ROCK2: variants seen among roughly 807,000 people sequenced by gnomAD.
The protein encoded by ROCK2 is rho-associated protein kinase 2.
A neutral mutation model predicts 195.1 loss-of-function variants in ROCK2; 61 were observed. The ratio of observed to expected loss-of-function variants is 0.31; its 90% CI spans 0.25 to 0.39. The LOEUF (loss-of-function observed/expected upper bound fraction) is 0.39. Ranked by LOEUF, ROCK2 falls within the 10% of genes least tolerant of loss-of-function variation. ROCK2 has a pLI of 1.00. For synonymous variants in ROCK2, 504 were observed against 545.5 expected (o/e 0.92, Z 1.06); for missense variants, 1,109 against 1,637.4 (o/e 0.68, Z 5.57).
chr2:11,335,108 T>TACACACACAC (rs59721285), intron 1 of ROCK2, among the ~76,000 whole-genome samples: 20 of 145,028 alleles, frequency 1.4e-4, no homozygotes, highest in African/African-American at 3.6e-4. Flanking sequence ...CTTTGACTGA[T>TACACACACAC]ACACACACAC....
chr2:11,244,300 C>G (rs1435675279), intron 4 of ROCK2, among the ~76,000 whole-genome samples: 1 of 152,138 alleles, frequency 6.6e-6, no homozygotes, highest in Non-Finnish European at 1.5e-5. Flanking sequence ...TATTTACCAT[C>G]TGGCCCTTTA....
intron 1 of ROCK2, among the ~76,000 whole-genome samples, chr2:11,336,892 G>A (rs1393270925): frequency 1.3e-5 from 2 of 152,118 alleles, no homozygotes; most frequent in African/African-American, 2.4e-5. Context: ...CACGACATGA[G>A]GATGGCGACA....
intron 1 of ROCK2, among the ~76,000 whole-genome samples, chr2:11,338,983 G>A (rs2148278100): frequency 6.6e-6 from 1 of 151,916 alleles, no homozygotes; most frequent in Admixed American, 6.6e-5. Context: ...AGCTGAAAAG[G>A]TGTGAAGGAG....
At chr2:11,211,384 C>T (rs918763256) in intron 18 of ROCK2, among the ~76,000 whole-genome samples, 4 of 151,926 alleles carry the variant, frequency 2.6e-5, no homozygotes, top group Admixed American at 2.0e-4. Flanking sequence ...ACACGTATAC[C>T]GAGTGGTACA....
chr2:11,215,020 C>T lies in ROCK2; in HGVS notation c.1756G>A (p.Ala586Thr), dbSNP rs752389673. 1 of 1,614,056 alleles carries T rather than the reference C, an allele frequency of 6.2e-7. No individual in the cohort carries two copies. Among genetic ancestry groups the T allele is most frequent in the South Asian group, 1.1e-5 (1 of 91,074 alleles). The change falls in exon 16 of 33, where the codon GCA becomes ACA. Residue 586 changes from alanine (A) to threonine (T), a missense_variant. This residue lies in a region of ROCK2 where 542 missense variants were observed against 672.0 expected (regional missense o/e 0.81). Coordinates refer to ENST00000315872, the MANE Select transcript of ROCK2 (RefSeq NM_004850.5). The part of the protein sequence containing the change: ...DTAARLRKTQ[A>T]ESSKQIQQLE... ...TGCTGAATCTGTTTTGAACTTTCTGCCTGGGTTTTCCTTAACCGGGCTGCA... is the reference window on the plus strand; with the variant it reads ...TGCTGAATCTGTTTTGAACTTTCTGTCTGGGTTTTCCTTAACCGGGCTGCA...
chr2:11,222,265 C>T (rs1664662167), intron 7 of ROCK2, 91 bp from the exon 8 acceptor site: 2 of 710,906 alleles, frequency 2.8e-6, no homozygotes, highest in Admixed American at 2.4e-5. Context: ...ATAAAGATCT[C>T]AAGTAAATTT....
chr2:11,317,610 ATATT>A (rs1198450046), intron 1 of ROCK2, among the ~76,000 whole-genome samples: 5 of 16,814 alleles, frequency 3.0e-4, no homozygotes, highest in South Asian at 2.3e-3. Context: ...ATATATATAT[ATATT>A]TTTTTTTTTT....
Position 11,293,260 on chromosome 2 carries a change from AATTT to A in ROCK2, c.142-5528_142-5525del, listed in dbSNP as rs1361294148. On this transcript the variant is annotated intron_variant, in intron 1 of 32. Coordinates refer to ENST00000315872, the MANE Select transcript of ROCK2 (RefSeq NM_004850.5). Reference sequence around the variant, plus strand: ...TAAGTCAACTTAATTGAGGACTGAGAATTTAGCAACTCAGAGGTTAGCAGTAACT... The same window carrying A: ...TAAGTCAACTTAATTGAGGACTGAGAAGCAACTCAGAGGTTAGCAGTAACT... Among the ~76,000 whole-genome samples, 9 of 152,336 alleles carry A rather than the reference AATTT, an allele frequency of 5.9e-5. No individual in the cohort carries two copies. The South Asian group carries it at 1.7e-3, about 28-fold the overall frequency.
chr2:11,197,760 G>T lies in ROCK2; in HGVS notation c.3100-55C>A. The T allele has an allele frequency of 8.2e-7, 1 of 1,226,228 alleles. No individual in the cohort carries two copies. The highest frequency in any genetic ancestry group is 1.1e-6 in the Non-Finnish European group (1 of 928,130). 76.0% of individuals were successfully genotyped at this position (1,226,228 alleles called of 1,614,324 possible). A position where few individuals can be genotyped will look rare whatever the true frequency, so the allele number is the denominator to read the frequency against. On this transcript the variant is annotated intron_variant, in intron 25 of 32. Coordinates refer to ENST00000315872, the MANE Select transcript of ROCK2 (RefSeq NM_004850.5). This position sits in a 1 kb window ranked among gnomAD's most constrained non-coding sequence, Gnocchi z 4.9. Reference sequence around the variant, plus strand: ...ATAAATAAAATAAATTACGTTTATGGTTTCTCAGTATCTCATCAAGAGCAA... The same window carrying T: ...ATAAATAAAATAAATTACGTTTATGTTTTCTCAGTATCTCATCAAGAGCAA...
chr2:11,266,308 GAACT>G (rs1666412418), intron 3 of ROCK2, among the ~76,000 whole-genome samples: 1 of 152,146 alleles, frequency 6.6e-6, no homozygotes, highest in African/African-American at 2.4e-5. Flanking sequence ...TAATGTGTTG[GAACT>G]ACGGCATTAA....
chr2:11,205,105 GC>G (rs1283341772), intron 20 of ROCK2, among the ~76,000 whole-genome samples: 1 of 152,126 alleles, frequency 6.6e-6, no homozygotes, highest in African/African-American at 2.4e-5. Flanking sequence ...AGTGAGAAAG[GC>G]TTTTCACCCC....
At chr2:11,255,679 G>A (rs1666004825) in intron 3 of ROCK2, among the ~76,000 whole-genome samples, 1 of 150,914 alleles carries the variant, frequency 6.6e-6, no homozygotes, top group African/African-American at 2.5e-5. Context: ...CAGCACTTTG[G>A]GAGGCTGAGG....
At chr2:11,214,702 T>A in intron 16 of ROCK2, 138 bp downstream of exon 16, 1 of 834,956 alleles carries the variant, frequency 1.2e-6, no homozygotes, top group Non-Finnish European at 1.8e-6. Context: ...AAATTTTGTA[T>A]CAGTGTATTT....
rs545158675 is a variant in ROCK2 at position 11,337,719 on chromosome 2, C to G, written c.141+6277G>C. 7.2e-5 allele frequency among the ~76,000 whole-genome samples: 11 copies of G among 152,164 alleles called. No homozygotes were observed. The South Asian group carries it at 1.9e-3, about 26-fold the overall frequency. On this transcript the variant is annotated intron_variant, in intron 1 of 32. Coordinates refer to ENST00000315872, the MANE Select transcript of ROCK2 (RefSeq NM_004850.5). ...CCAGTCTCAGCTCACTGCAACCTCCCACCTCCTGGGTTCAGGTGATTCTCT... is the reference window on the plus strand; with the variant it reads ...CCAGTCTCAGCTCACTGCAACCTCCGACCTCCTGGGTTCAGGTGATTCTCT...
At chr2:11,196,304 T>A (rs1663633914) in intron 27 of ROCK2, among the ~76,000 whole-genome samples, 2 of 152,330 alleles carry the variant, frequency 1.3e-5, no homozygotes, top group African/African-American at 4.8e-5. Flanking sequence ...TGTCAGTAAG[T>A]ACTCAGTAAA....
In ROCK2 at chr2:11,201,113, G is replaced by A. The variant is rs1164374921; in HGVS notation, c.2754C>T (p.Thr918=). ...RDSLAAQLEI[T]LTKADSEQLA... ...GTTGCTCAGAATCTGCTTTGGTCAA[G>A]GTGATCTCCAGTTGGGCAGCCAAAG... Residue 918 remains threonine, a synonymous_variant, in exon 23 of 33, where the codon ACC becomes ACT. Transcript: ENST00000315872. This position sits in a 1 kb window ranked among gnomAD's most constrained non-coding sequence, Gnocchi z 4.6. The A allele has an allele frequency of 2.5e-6, 4 of 1,611,166 alleles. No homozygotes were observed. The African/African-American group carries it at 5.4e-5, about 22-fold the overall frequency.
In ROCK2 at chr2:11,296,000, A is replaced by AG. The variant is rs1558369760; in HGVS notation, c.142-8265dup. On this transcript the variant is annotated intron_variant, in intron 1 of 32. Coordinates refer to ENST00000315872, the MANE Select transcript of ROCK2 (RefSeq NM_004850.5). ...AGAGAGAGAGAGAGAGGAGAGAGAG[A>AG]GAGAGGAGAGAGAGAGAGAGAGAGA... 3.1e-3 allele frequency among the ~76,000 whole-genome samples: 72 copies of AG among 22,910 alleles called. 1 individual carries two copies. Among genetic ancestry groups the AG allele is most frequent in the African/African-American group, 7.9e-3 (61 of 7,742 alleles). The allele number at this position is 22,910 out of a possible 152,430, so 15.0% of individuals were successfully genotyped here.
chr2:11,331,842 C>T (rs990628894), intron 1 of ROCK2, among the ~76,000 whole-genome samples: 4 of 152,192 alleles, frequency 2.6e-5, no homozygotes, highest in South Asian at 2.1e-4. Context: ...AGGAGACTCA[C>T]GTGAACCTGG....
intron 19 of ROCK2, 32 bp from the exon 20 acceptor site, chr2:11,207,942 G>T: frequency 7.2e-7 from 1 of 1,383,722 alleles, no homozygotes; most frequent in Non-Finnish European, 9.6e-7. Flanking sequence ...TGGTATATAA[G>T]TAAATTATTT....
Sources: allele counts gnomAD v4.1 joint callset (sites outside exome capture counted in the v4.1 genomes callset), GRCh38; gene constraint gnomAD v4.1.1; regional missense constraint gnomAD v4.1.1; non-coding constraint Gnocchi (gnomAD v3.1); transcripts MANE v1.5; gene names NCBI Gene and HGNC (gene_info 2026-07-23, HGNC 2026-07-21).